The following FHOD3 variants were observed in gnomAD, a reference collection of about 807,000 sequenced individuals.
The protein encoded by FHOD3 is FH1/FH2 domain-containing protein 3.
A neutral mutation model predicts 173.0 loss-of-function variants in FHOD3; 90 were observed. That is an observed-to-expected ratio of 0.52 (90% CI 0.44 to 0.62). FHOD3 has a LOEUF of 0.62. FHOD3 is among the 20% of genes least tolerant of loss of function. The pLI is 0.00. For missense variants in FHOD3, 1,945 were observed against 2,034.7 expected (o/e 0.96, Z 0.85); for synonymous variants, 828 against 823.0 (o/e 1.01, Z -0.10).
chr18:36,763,416 A>C (rs1174535093), intron 27 of FHOD3, among the ~76,000 whole-genome samples: 1 of 139,214 alleles, frequency 7.2e-6, no homozygotes, highest in Non-Finnish European at 1.5e-5. Context: ...TACACGTTAT[A>C]TATAATATGC....
chr18:36,493,213 C>CTTTTTT (rs60189688), intron 3 of FHOD3, among the ~76,000 whole-genome samples: 1 of 138,160 alleles, frequency 7.2e-6, no homozygotes, highest in African/African-American at 2.7e-5. Flanking sequence ...TTTTCTTTTT[C>CTTTTTT]TTTTTTTTTT....
At chr18:36,581,662 C>G (rs77085420) in intron 6 of FHOD3, among the ~76,000 whole-genome samples, 4,021 of 152,308 alleles carry the variant, frequency 0.026, 215 homozygotes, top group East Asian at 0.24. Context: ...GGCCAAGGCC[C>G]TCCTTGCACG....
At chr18:36,748,382 A>ACAC (rs1555836081) in intron 24 of FHOD3, among the ~76,000 whole-genome samples, 2,031 of 143,512 alleles carry the variant, frequency 0.014, 48 homozygotes, top group African/African-American at 0.05. Flanking sequence ...ACACACACAC[A>ACAC]ACACACACAC....
chr18:36,623,999 A>G lies in FHOD3; in HGVS notation c.958-1512A>G, dbSNP rs117925956. ...ACTGTGGTTAGCTATCTGAGTCTTTATATTCTCCATTCTCTCACATGGAAG... is the reference window on the plus strand; with the variant it reads ...ACTGTGGTTAGCTATCTGAGTCTTTGTATTCTCCATTCTCTCACATGGAAG... On this transcript the variant is annotated intron_variant, in intron 9 of 28. Transcript: ENST00000590592. 2.5e-3 allele frequency among the ~76,000 whole-genome samples: 375 copies of G among 152,324 alleles called. 2 individuals carry two copies. Among genetic ancestry groups the G allele is most frequent in the Admixed American group, 0.016 (244 of 15,300 alleles).
intron 28 of FHOD3, among the ~76,000 whole-genome samples, chr18:36,770,134 T>G (rs761201628): frequency 6.6e-5 from 10 of 152,122 alleles, no homozygotes; most frequent in Non-Finnish European, 1.2e-4. Flanking sequence ...TCCTTTGACA[T>G]CTCCCTGCAT....
At chr18:36,732,863 A>G (rs922239794) in intron 20 of FHOD3, among the ~76,000 whole-genome samples, 1 of 152,190 alleles carries the variant, frequency 6.6e-6, no homozygotes, top group Non-Finnish European at 1.5e-5. Context: ...CGCAGACCCT[A>G]ACCCAGTGAC....
At chr18:36,644,798 G>A (rs1332533777) in intron 10 of FHOD3, among the ~76,000 whole-genome samples, 6 of 152,146 alleles carry the variant, frequency 3.9e-5, no homozygotes, top group African/African-American at 1.4e-4. Flanking sequence ...AGTAAAGTGG[G>A]GTCCAAGGTC....
rs562498971 is a variant in FHOD3 at position 36,448,243 on chromosome 18, G to A, written c.338-53689G>A. On this transcript the variant is annotated intron_variant, in intron 3 of 28. Coordinates refer to ENST00000590592, the MANE Select transcript of FHOD3 (RefSeq NM_001281740.3). ...AGACTCTCCCTGAAATTACTAAAAT[G>A]TTAAGGAAACTAGACAGAGTCCACT... Among the ~76,000 whole-genome samples, 28 of 152,280 alleles carry A rather than the reference G, an allele frequency of 1.8e-4. 1 individual carries two copies. The highest frequency in any genetic ancestry group is 1.6e-4 in the Non-Finnish European group (11 of 68,020).
intron 14 of FHOD3, among the ~76,000 whole-genome samples, chr18:36,668,203 C>T (rs577564004): frequency 2.0e-5 from 3 of 152,256 alleles, no homozygotes; most frequent in Admixed American, 6.5e-5. Context: ...AGATATTTAT[C>T]TTATATTCTT....
chr18:36,394,283 C>A, intron 3 of FHOD3, among the ~76,000 whole-genome samples: 2 of 152,182 alleles, frequency 1.3e-5, no homozygotes, highest in Admixed American at 1.3e-4. Flanking sequence ...TTAAGGTCAT[C>A]GTGTAGACAG....
At chr18:36,372,614 T>G in intron 2 of FHOD3, 66 bp from the exon 3 acceptor site, 2 of 1,379,786 alleles carry the variant, frequency 1.4e-6, no homozygotes, top group Non-Finnish European at 2.0e-6. Context: ...TTCACGTGGA[T>G]TGACAGCATG....
intron 10 of FHOD3, among the ~76,000 whole-genome samples, chr18:36,638,269 C>T (rs543774730): frequency 6.6e-6 from 1 of 152,278 alleles, no homozygotes; most frequent in East Asian, 1.9e-4. Context: ...CAAGGGCATG[C>T]CATGTGCAAT....
At chr18:36,322,961 G>A (rs1020193917) in intron 1 of FHOD3, among the ~76,000 whole-genome samples, 1 of 152,194 alleles carries the variant, frequency 6.6e-6, no homozygotes, top group Non-Finnish European at 1.5e-5. Context: ...AACCCTCATG[G>A]GTGCCCTTTT....
At chr18:36,609,317 G>A (rs2032415824) in intron 8 of FHOD3, among the ~76,000 whole-genome samples, 1 of 151,878 alleles carries the variant, frequency 6.6e-6, no homozygotes, top group Non-Finnish European at 1.5e-5. Context: ...CCAGGGACAG[G>A]TGGAAGTGTG....
In FHOD3 at chr18:36,693,317, A is replaced by G. The variant is rs747295094; in HGVS notation, c.2130A>G (p.Ala710=). The part of the protein sequence containing the change: ...ADLSLDLTSP[A]APACLAPLSH... ...TCTCCTTGGACCTGACCTCGCCAGC[A>G]GCCCCAGCCTGCCTGGCTCCTCTGA... Residue 710 remains alanine (A), a synonymous_variant, in exon 17 of 29, where the codon GCA becomes GCG. Transcript: ENST00000590592. 16 of 1,613,776 alleles carry G rather than the reference A, an allele frequency of 9.9e-6. No individual in the cohort carries two copies. The Admixed American group carries it at 2.5e-4, about 25-fold the overall frequency.
chr18:36,714,995 G>A (rs1047168445), intron 18 of FHOD3, among the ~76,000 whole-genome samples: 2 of 152,060 alleles, frequency 1.3e-5, no homozygotes, highest in East Asian at 1.9e-4. Flanking sequence ...ATGTTCCTTC[G>A]GCTGAATGAA....
chr18:36,702,997 T>C (rs2149596092), intron 17 of FHOD3, among the ~76,000 whole-genome samples: 1 of 152,240 alleles, frequency 6.6e-6, no homozygotes, highest in East Asian at 1.9e-4. Context: ...AGCAGTGAGG[T>C]CCTGTTGGTC....
chr18:36,556,324 T>C (rs2057882889), intron 5 of FHOD3, among the ~76,000 whole-genome samples: 1 of 152,158 alleles, frequency 6.6e-6, no homozygotes, highest in African/African-American at 2.4e-5. Flanking sequence ...AGCAGGTTCC[T>C]CATCTCCAAC....
intron 3 of FHOD3, among the ~76,000 whole-genome samples, chr18:36,487,262 C>A (rs2054240768): frequency 6.6e-6 from 1 of 152,232 alleles, no homozygotes; most frequent in Non-Finnish European, 1.5e-5. Flanking sequence ...CACATCCCAC[C>A]AGCAGAGCGT....
Sources: allele counts gnomAD v4.1 joint callset (sites outside exome capture counted in the v4.1 genomes callset), GRCh38; gene constraint gnomAD v4.1.1; transcripts MANE v1.5; gene names NCBI Gene and HGNC (gene_info 2026-07-23, HGNC 2026-07-21).